The following CYP7B1 variants were observed in gnomAD, a reference collection of about 807,000 sequenced individuals.
The protein encoded by CYP7B1 is cytochrome P450 family 7 subfamily B member 1.
A neutral mutation model predicts 42.7 loss-of-function variants in CYP7B1; 29 were observed. That is an observed-to-expected ratio of 0.68 (90% CI 0.51 to 0.93). The LOEUF is 0.93. CYP7B1 is among the 40% of genes least tolerant of loss of function. The pLI is 0.00. For missense variants in CYP7B1, 655 were observed against 600.5 expected, an observed-to-expected ratio of 1.09 and a Z score of -0.95; for synonymous variants, 235 against 218.2, an observed-to-expected ratio of 1.08 and a Z score of -0.68.
In CYP7B1 at chr8:64,789,325, T is replaced by C. The variant is rs113869589; in HGVS notation, c.122+9141A>G. On this transcript the variant is annotated intron_variant, in intron 1 of 5. Coordinates refer to ENST00000310193, the MANE Select transcript of CYP7B1 (RefSeq NM_004820.5). ...ATTCATAACCATACATCTCAAAATT[T>C]TTCTGTGCTCATGACTACTTTTCAT... 1.1e-4 allele frequency among the ~76,000 whole-genome samples: 17 copies of C among 152,322 alleles called. 2 individuals carry two copies. Among genetic ancestry groups the C allele is most frequent in the African/African-American group, 4.1e-4 (17 of 41,566 alleles).
intron 1 of CYP7B1, among the ~76,000 whole-genome samples, chr8:64,690,211 A>G (rs1806718092): frequency 6.6e-6 from 1 of 152,200 alleles, no homozygotes; most frequent in Non-Finnish European, 1.5e-5. Flanking sequence ...AACCCGGGCA[A>G]CATAGCAAAA....
rs1240132407 is a variant in CYP7B1 at position 64,590,999 on chromosome 8, G to T, written c.*5643C>A. ...ACATATATGTCATTTTAAAATCAAA[G>T]ATAATATTAAACAATTTCAGAAAAT... On this transcript the variant is annotated 3_prime_UTR_variant, in exon 6 of 6. Transcript: ENST00000310193. Among the ~76,000 whole-genome samples, 1 of 152,162 alleles carries T rather than the reference G, an allele frequency of 6.6e-6. No homozygotes were observed. Among genetic ancestry groups the T allele is most frequent in the Non-Finnish European group, 1.5e-5 (1 of 67,936 alleles).
At chr8:64,777,991 A>T (rs1804355238) in intron 1 of CYP7B1, among the ~76,000 whole-genome samples, 1 of 151,770 alleles carries the variant, frequency 6.6e-6, no homozygotes, top group African/African-American at 2.4e-5. Context: ...AATTGTGGGT[A>T]TTATGCCATA....
downstream of CYP7B1, among the ~76,000 whole-genome samples, chr8:64,586,588 C>T (rs1052476420): frequency 1.3e-5 from 2 of 152,172 alleles, no homozygotes; most frequent in African/African-American, 2.4e-5. Context: ...GGTGAGACTA[C>T]TTAGTCAAAC....
chr8:64,637,263 T>C (rs1483877686), intron 1 of CYP7B1, among the ~76,000 whole-genome samples: 1 of 152,228 alleles, frequency 6.6e-6, no homozygotes, highest in Admixed American at 6.5e-5. Context: ...TCTAGTTTAC[T>C]GAAGTGGGAA....
intron 1 of CYP7B1, among the ~76,000 whole-genome samples, chr8:64,732,225 G>A (rs62521118): frequency 0.23 from 35,444 of 152,132 alleles, 4,631 homozygotes; most frequent in African/African-American, 0.34. Flanking sequence ...GCAGCTGGGA[G>A]GGGAGCTGTA....
downstream of CYP7B1, among the ~76,000 whole-genome samples, chr8:64,587,529 C>A (rs779856551): frequency 2.0e-5 from 3 of 152,358 alleles, no homozygotes; most frequent in Admixed American, 6.5e-5. Context: ...CGCACCAAAC[C>A]CGAAGCATCC....
intron 1 of CYP7B1, among the ~76,000 whole-genome samples, chr8:64,703,003 A>G (rs1324930515): frequency 8.0e-5 from 11 of 137,602 alleles, no homozygotes; most frequent in Non-Finnish European, 3.1e-5. Context: ...TATTTTATAC[A>G]TCTATATTTT....
rs1024018540 is a variant in CYP7B1 at position 64,781,487 on chromosome 8, T to C, written c.122+16979A>G. The stretch of plus-strand genomic sequence containing the variant: ...TTTCTGGAGGCTCCAGGGAAAAATC[T>C]GTTTCTTTGCCTTTTCCAGCTTCTA... On this transcript the variant is annotated intron_variant, in intron 1 of 5. Transcript: ENST00000310193. Among the ~76,000 whole-genome samples the C allele has an allele frequency of 5.3e-5, 8 of 152,238 alleles. No individual in the cohort carries two copies. The Middle Eastern group carries it at 0.014, about 259-fold the overall frequency.
At position 64,633,760 on chromosome 8, in the gene CYP7B1, A is replaced by G. The variant is rs559758354; in HGVS notation, c.123-9221T>C. Among the ~76,000 whole-genome samples the G allele has an allele frequency of 2.0e-3, 306 of 152,284 alleles. 2 individuals carry two copies. Among genetic ancestry groups the G allele is most frequent in the Non-Finnish European group, 1.9e-3 (132 of 68,008 alleles). Reference sequence around the variant, plus strand: ...AGTAAGATGTTTTATGGATATCAACAAACTGATTCTGAAGTTTATATGGAA... The same window carrying G: ...AGTAAGATGTTTTATGGATATCAACGAACTGATTCTGAAGTTTATATGGAA... On this transcript the variant is annotated intron_variant, in intron 1 of 5. Coordinates refer to ENST00000310193, the MANE Select transcript of CYP7B1 (RefSeq NM_004820.5).
At chr8:64,609,290 G>A (rs1447457093) in intron 4 of CYP7B1, among the ~76,000 whole-genome samples, 3 of 152,138 alleles carry the variant, frequency 2.0e-5, no homozygotes, top group African/African-American at 7.2e-5. Flanking sequence ...TATTTGTGGT[G>A]AGAAAACTTA....
At chr8:64,727,626 A>C (rs1366649206) in intron 1 of CYP7B1, among the ~76,000 whole-genome samples, 1 of 152,236 alleles carries the variant, frequency 6.6e-6, no homozygotes, top group Non-Finnish European at 1.5e-5. Flanking sequence ...CAGTTGACCA[A>C]GTAGAAATCT....
chr8:64,785,734 C>A (rs1804515454), intron 1 of CYP7B1, among the ~76,000 whole-genome samples: 1 of 151,936 alleles, frequency 6.6e-6, no homozygotes, highest in Non-Finnish European at 1.5e-5. Flanking sequence ...ATAGCAGAGG[C>A]CAGGATTTTT....
chr8:64,798,705 G>A lies in CYP7B1; in HGVS notation c.-118C>T, dbSNP rs1452308919. 1.7e-6 allele frequency: 2 copies of A among 1,163,976 alleles called. No homozygotes were observed. Among genetic ancestry groups the A allele is most frequent in the Non-Finnish European group, 2.3e-6 (2 of 883,942 alleles). The allele number at this position is 1,163,976 out of a possible 1,614,324, so 72.1% of individuals were successfully genotyped here. On this transcript the variant is annotated 5_prime_UTR_variant, in exon 1 of 6. Transcript: ENST00000310193. Reference sequence around the variant, plus strand: ...GCGCCCCCTAGTCCAGGGCCGGAGAGGCTGGCCTGCCCGCAGCGCAGACAG... The same window carrying A: ...GCGCCCCCTAGTCCAGGGCCGGAGAAGCTGGCCTGCCCGCAGCGCAGACAG...
downstream of CYP7B1, among the ~76,000 whole-genome samples, chr8:64,588,000 T>G (rs1033732945): frequency 4.6e-5 from 7 of 152,188 alleles, no homozygotes; most frequent in Non-Finnish European, 8.8e-5. Context: ...GAGTTAATTC[T>G]TTCCCAAAGA....
intron 1 of CYP7B1, among the ~76,000 whole-genome samples, chr8:64,696,286 T>C (rs1181442088): frequency 6.6e-6 from 1 of 152,214 alleles, no homozygotes; most frequent in Non-Finnish European, 1.5e-5. Flanking sequence ...CAGATGTTTT[T>C]ACATATTGAA....
At chr8:64,694,848 C>T (rs1395055576) in intron 1 of CYP7B1, among the ~76,000 whole-genome samples, 1 of 152,104 alleles carries the variant, frequency 6.6e-6, no homozygotes, top group African/African-American at 2.4e-5. Context: ...ATCAAAGCTA[C>T]CTGTATCAAA....
At chr8:64,634,396 C>T (rs1585820570) in intron 1 of CYP7B1, among the ~76,000 whole-genome samples, 1 of 151,702 alleles carries the variant, frequency 6.6e-6, no homozygotes, top group African/African-American at 2.4e-5. Flanking sequence ...ATGGTGAAAC[C>T]CCATTTCTAT....
intron 1 of CYP7B1, among the ~76,000 whole-genome samples, chr8:64,638,347 C>G (rs778823286): frequency 1.3e-5 from 2 of 152,030 alleles, no homozygotes; most frequent in Non-Finnish European, 2.9e-5. Flanking sequence ...GATGAGCTAC[C>G]TCTCTTTTGT....
Sources: gnomAD v4.1 joint callset for allele counts (sites outside exome capture counted in the v4.1 genomes callset) on GRCh38, gnomAD v4.1.1 for gene constraint, MANE v1.5 for transcripts, NCBI Gene and HGNC (gene_info 2026-07-23, HGNC 2026-07-21) for gene names.